The following PCDH11X variants were observed in gnomAD, a reference collection of about 807,000 sequenced individuals.
PCDH11X encodes the protein protocadherin 11 X-linked.
Under a neutral mutation model 53.3 loss-of-function variants are expected in PCDH11X, and 18 were observed. The ratio of observed to expected loss-of-function variants is 0.34; its 90% CI spans 0.23 to 0.50. The LOEUF is 0.50. Ranked by LOEUF, PCDH11X falls within the 20% of genes least tolerant of loss-of-function variation. PCDH11X has a pLI of 0.98. For synonymous variants in PCDH11X, 279 were observed against 393.3 expected (o/e 0.71, Z 3.44); for missense variants, 570 against 1,032.4 (o/e 0.55, Z 6.14).
intron 6 of PCDH11X, among the ~76,000 whole-genome samples, chrX:92,046,193 C>A (rs1445416097): frequency 9.0e-6 from 1 of 111,020 alleles, no homozygotes; most frequent in Non-Finnish European, 1.9e-5. Flanking sequence ...ATTGGCAAAT[C>A]CTACAACAGG....
At chrX:92,475,347 A>G (rs965275112) in intron 10 of PCDH11X, among the ~76,000 whole-genome samples, 27 of 110,565 alleles carry the variant, frequency 2.4e-4, no homozygotes, top group Non-Finnish European at 4.3e-4. Flanking sequence ...TATTTCCTGA[A>G]GGACAGGTCT....
At chrX:92,526,062 G>C (rs1235139115) in intron 10 of PCDH11X, among the ~76,000 whole-genome samples, 1 of 111,464 alleles carries the variant, frequency 9.0e-6, no homozygotes, top group Non-Finnish European at 1.9e-5. Context: ...GAACTTTGAA[G>C]AGTATCTGCC....
intron 9 of PCDH11X, among the ~76,000 whole-genome samples, chrX:92,462,916 G>A (rs760335014): frequency 1.8e-5 from 2 of 110,862 alleles, no homozygotes; most frequent in East Asian, 2.8e-4. Flanking sequence ...GTTTGACAAT[G>A]TAATTAGTGA....
At chrX:92,385,841 AAAC>A (rs1220049822) in intron 8 of PCDH11X, among the ~76,000 whole-genome samples, 1 of 110,724 alleles carries the variant, frequency 9.0e-6, no homozygotes, top group Non-Finnish European at 1.9e-5. Flanking sequence ...AAAACAAAAC[AAAC>A]AACAGCAAAA....
At chrX:92,045,182 G>A (rs1400370099) in intron 6 of PCDH11X, among the ~76,000 whole-genome samples, 2 of 109,544 alleles carry the variant, frequency 1.8e-5, no homozygotes, top group South Asian at 3.9e-4. Flanking sequence ...TGTTTTAGAA[G>A]CTCAGGGGGA....
chrX:92,483,690 TA>T (rs1415512715), intron 10 of PCDH11X, among the ~76,000 whole-genome samples: 3 of 95,263 alleles, frequency 3.1e-5, no homozygotes, highest in Non-Finnish European at 6.2e-5. Flanking sequence ...ATGAAGAATT[TA>T]CACCCAATTT....
At chrX:92,079,103 T>C (rs1441947196) in intron 6 of PCDH11X, among the ~76,000 whole-genome samples, 1 of 110,729 alleles carries the variant, frequency 9.0e-6, no homozygotes, top group Non-Finnish European at 1.9e-5. Context: ...CAACACAAAT[T>C]TACAGTTCTG....
In PCDH11X at chrX:92,147,852, T is replaced by TC. The variant is rs1252059337; in HGVS notation, c.3034-53523_3034-53522insC. 1.8e-3 allele frequency among the ~76,000 whole-genome samples: 185 copies of TC among 100,275 alleles called. 5 individuals are homozygous for TC. The highest frequency in any genetic ancestry group is 7.0e-3 in the African/African-American group (183 of 26,273). 87.1% of individuals were successfully genotyped at this position (100,275 alleles called of 115,157 possible). ...CTTTCTTTCTTTCTTTCTTTCTTTC[T>TC]TTTTTCTTTTCTCTCTTTCCTTTCT... is the stretch of plus-strand genomic sequence containing the variant. On this transcript the variant is annotated intron_variant, in intron 6 of 10. Coordinates refer to ENST00000682573, the MANE Select transcript of PCDH11X (RefSeq NM_032968.5).
At chrX:92,157,006 A>C (rs2065548781) in intron 6 of PCDH11X, among the ~76,000 whole-genome samples, 1 of 112,024 alleles carries the variant, frequency 8.9e-6, no homozygotes, top group South Asian at 3.7e-4. Context: ...CAAATCCATT[A>C]CCACTTCCAA....
chrX:91,892,544 G>T (rs1940545131), intron 6 of PCDH11X, among the ~76,000 whole-genome samples: 1 of 110,276 alleles, frequency 9.1e-6, no homozygotes. Flanking sequence ...CCTCTTCCCT[G>T]ATCATGGCAT....
intron 6 of PCDH11X, among the ~76,000 whole-genome samples, chrX:91,916,541 G>A (rs2524607): frequency 1.8e-5 from 2 of 111,008 alleles, no homozygotes; most frequent in East Asian, 2.8e-4. Context: ...TACTATGAAC[G>A]CATTTTTGTA....
intron 10 of PCDH11X, among the ~76,000 whole-genome samples, chrX:92,528,232 C>T (rs1363555720): frequency 1.8e-5 from 2 of 112,482 alleles, no homozygotes; most frequent in Non-Finnish European, 3.8e-5. Context: ...CACACATATA[C>T]AGACATACGC....
chrX:92,279,454 A>AT (rs1256066810), intron 8 of PCDH11X, among the ~76,000 whole-genome samples: 1 of 111,940 alleles, frequency 8.9e-6, no homozygotes, highest in African/African-American at 3.2e-5. Context: ...ATTGAATGCA[A>AT]TTTTTTAAAT....
chrX:92,086,167 TAGTA>T (rs773032755), intron 6 of PCDH11X, among the ~76,000 whole-genome samples: 17 of 111,521 alleles, frequency 1.5e-4, no homozygotes, highest in Non-Finnish European at 3.0e-4. Flanking sequence ...ATACCAAACT[TAGTA>T]AGGAAGATTT....
intron 6 of PCDH11X, among the ~76,000 whole-genome samples, chrX:92,180,175 G>A (rs1036966964): frequency 9.0e-6 from 1 of 111,484 alleles, no homozygotes; most frequent in Non-Finnish European, 1.9e-5. Context: ...GCAGAAGAGA[G>A]TGAAGGAGGA....
At chrX:92,082,139 A>G (rs1287440987) in intron 6 of PCDH11X, among the ~76,000 whole-genome samples, 2 of 111,161 alleles carry the variant, frequency 1.8e-5, no homozygotes, top group Non-Finnish European at 3.8e-5. Context: ...CTGACACCAC[A>G]GTCTAACTCT....
intron 6 of PCDH11X, among the ~76,000 whole-genome samples, chrX:91,982,201 A>G (rs1418314902): frequency 9.1e-6 from 1 of 109,718 alleles, no homozygotes; most frequent in Non-Finnish European, 1.9e-5. Flanking sequence ...CTGGGCTGGG[A>G]AAAGGTCATG....
At chrX:92,305,298 G>A (rs2068801987) in intron 8 of PCDH11X, among the ~76,000 whole-genome samples, 1 of 109,457 alleles carries the variant, frequency 9.1e-6, no homozygotes, top group Middle Eastern at 4.6e-3. Context: ...TTAAATGATA[G>A]GAATTTATTT....
At chrX:92,440,242 A>G (rs1191641240) in intron 9 of PCDH11X, among the ~76,000 whole-genome samples, 7 of 109,903 alleles carry the variant, frequency 6.4e-5, no homozygotes, top group Non-Finnish European at 1.1e-4. Context: ...TGTTTGGGGT[A>G]CAAATGATCT....
Sources: allele counts gnomAD v4.1 joint callset (sites outside exome capture counted in the v4.1 genomes callset), GRCh38; gene constraint gnomAD v4.1.1; transcripts MANE v1.5; gene names NCBI Gene and HGNC (gene_info 2026-07-23, HGNC 2026-07-21).